The following USP37 variants were observed in gnomAD, a reference collection of about 807,000 sequenced individuals.
USP37 encodes the protein ubiquitin carboxyl-terminal hydrolase 37.
Under a neutral mutation model 124.0 loss-of-function variants are expected in USP37, and 27 were observed. The observed-to-expected ratio is 0.22, with a 90% confidence interval of 0.16 to 0.30. USP37 has a LOEUF of 0.30. Among genes scored for constraint, USP37 ranks in the 10% least tolerant of loss-of-function variants. USP37 has a pLI of 1.00. For missense variants in USP37, 889 were observed against 1,140.4 expected (o/e 0.78, Z 3.17); for synonymous variants, 365 against 388.0 (o/e 0.94, Z 0.70).
intron 24 of USP37, among the ~76,000 whole-genome samples, chr2:218,456,009 G>A (rs575494341): frequency 6.6e-6 from 1 of 152,152 alleles, no homozygotes; most frequent in East Asian, 1.9e-4. Context: ...TAGCACCACT[G>A]CACTCCAGCC....
intron 3 of USP37, among the ~76,000 whole-genome samples, chr2:218,559,779 A>G (rs935098661): frequency 9.2e-5 from 14 of 152,118 alleles, no homozygotes; most frequent in African/African-American, 3.4e-4. Context: ...AGGTGGGCAG[A>G]CTGCTTGAGC....
chr2:218,521,694 T>G (rs1158814504), intron 10 of USP37, among the ~76,000 whole-genome samples: 2 of 152,198 alleles, frequency 1.3e-5, no homozygotes, highest in Non-Finnish European at 2.9e-5. Flanking sequence ...GCCTGCAATA[T>G]TTGTTCATTT....
At chr2:218,527,802 C>T (rs1196655293) in intron 10 of USP37, among the ~76,000 whole-genome samples, 1 of 152,126 alleles carries the variant, frequency 6.6e-6, no homozygotes, top group African/African-American at 2.4e-5. Context: ...GCTTGAGATA[C>T]CACCCAAGGC....
intron 17 of USP37, among the ~76,000 whole-genome samples, chr2:218,481,683 C>CTTTTTTTTTTTTTTTT (rs71403043): frequency 7.4e-6 from 1 of 134,472 alleles, no homozygotes; most frequent in Non-Finnish European, 1.6e-5. Context: ...CTTTTCTTTT[C>CTTTTTTTTTTTTTTTT]TTTTTTTTTT....
chr2:218,477,875 A>C (rs1364637496), intron 18 of USP37, among the ~76,000 whole-genome samples: 1 of 152,210 alleles, frequency 6.6e-6, no homozygotes, highest in Non-Finnish European at 1.5e-5. Context: ...CAGTTATATA[A>C]AAATTCACTT....
chr2:218,495,803 T>C lies in USP37; in HGVS notation c.1429A>G (p.Thr477Ala), dbSNP rs1689050885. 12 of 1,613,530 alleles carry C rather than the reference T, an allele frequency of 7.4e-6. No individual in the cohort carries two copies. The highest frequency in any genetic ancestry group is 1.3e-5 in the African/African-American group (1 of 74,908). The change falls in exon 14 of 26, where the codon ACT (threonine) becomes GCT (alanine). Residue 477 changes from threonine (T) to alanine (A), a missense_variant. Thr to Ala is a moderately conservative substitution (Grantham distance 58, BLOSUM62 0). This residue lies in a region of USP37 where 504 missense variants were observed against 714.3 expected (regional missense o/e 0.71). Transcript: ENST00000258399. ...TGCTGAACCTCAAACTCCAAATTAG[T>C]AATAACAGGGCAAGTGTATGCTCTG... ...ATRAYTCPVITNLEFEVQHSI... is the reference protein window; with the variant it reads ...ATRAYTCPVIANLEFEVQHSI...
intron 25 of USP37, 98 bp from the exon 26 acceptor site, chr2:218,455,115 G>T: frequency 7.2e-7 from 1 of 1,389,806 alleles, no homozygotes; most frequent in Non-Finnish European, 9.9e-7. Context: ...TATGGATAAG[G>T]CCTTCACAAT....
chr2:218,455,999 T>G (rs925772437), intron 24 of USP37, among the ~76,000 whole-genome samples: 7 of 151,984 alleles, frequency 4.6e-5, no homozygotes, highest in Non-Finnish European at 1.0e-4. Context: ...TGAACCGAGA[T>G]AGCACCACTG....
At chr2:218,517,623 T>C (rs1378531076) in intron 10 of USP37, among the ~76,000 whole-genome samples, 1 of 152,216 alleles carries the variant, frequency 6.6e-6, no homozygotes, top group Non-Finnish European at 1.5e-5. Flanking sequence ...GCTGAAATGT[T>C]TTCTCCCGGT....
intron 16 of USP37, among the ~76,000 whole-genome samples, chr2:218,483,966 C>T (rs1414623941): frequency 1.3e-5 from 2 of 152,188 alleles, no homozygotes; most frequent in African/African-American, 4.8e-5. Context: ...TGAGACCAGC[C>T]TGGCCAACAC....
rs918921622 is a variant in USP37 at position 218,451,827 on chromosome 2, A to C, written c.*3103T>G. On this transcript the variant is annotated 3_prime_UTR_variant, in exon 26 of 26. Transcript: ENST00000258399. ...TTTACATTTGTTGTATTTGTTATTG[A>C]GCCTTTAAGGTTAGGCCCAGAATGA... is the stretch of plus-strand genomic sequence containing the variant. The C allele has an allele frequency of 2.0e-5, 3 of 152,650 alleles. No individual in the cohort carries two copies. Among genetic ancestry groups the C allele is most frequent in the Non-Finnish European group, 4.4e-5 (3 of 68,030 alleles). The allele number at this position is 152,650 out of a possible 1,614,324, so 9.5% of individuals were successfully genotyped here.
At chr2:218,563,576 T>C (rs483172) in intron 1 of USP37, among the ~76,000 whole-genome samples, 70,561 of 152,096 alleles carry the variant, frequency 0.46, 19,529 homozygotes, top group East Asian at 0.78. Flanking sequence ...AAATTAGGCT[T>C]CACTAGGCCT....
rs573420333 is a variant in USP37 at position 218,454,922 on chromosome 2, T to C, written c.*8A>G. 5.6e-6 allele frequency: 9 copies of C among 1,613,434 alleles called. No individual in the cohort carries two copies. The South Asian group carries it at 9.9e-5, about 18-fold the overall frequency. On this transcript the variant is annotated 3_prime_UTR_variant, in exon 26 of 26. Coordinates refer to ENST00000258399, the MANE Select transcript of USP37 (RefSeq NM_020935.3). Reference sequence around the variant, plus strand: ...GCAGTGCATGCTGCCAACCCAGGAGTTTGTTCCTCACAAGGCCTGACGGGT... The same window carrying C: ...GCAGTGCATGCTGCCAACCCAGGAGCTTGTTCCTCACAAGGCCTGACGGGT...
intron 18 of USP37, 28 bp from the exon 19 acceptor site, chr2:218,477,009 C>T (rs761952571): frequency 5.4e-6 from 8 of 1,474,184 alleles, no homozygotes; most frequent in Non-Finnish European, 5.4e-6. Context: ...AAAAAAAAGC[C>T]TGATAAACAT....
At chr2:218,535,343 G>T (rs189317837) in intron 8 of USP37, among the ~76,000 whole-genome samples, 1 of 150,876 alleles carries the variant, frequency 6.6e-6, no homozygotes, top group Admixed American at 6.6e-5. Flanking sequence ...TCCAGCTTGG[G>T]CAACAGAGTG....
intron 21 of USP37, among the ~76,000 whole-genome samples, chr2:218,465,783 T>G (rs143850996): frequency 2.6e-4 from 40 of 152,248 alleles, no homozygotes; most frequent in African/African-American, 9.4e-4. Context: ...CTCAAACTCC[T>G]GGCCTCAAGT....
At chr2:218,472,909 A>AT (rs1006808182) in intron 20 of USP37, among the ~76,000 whole-genome samples, 7 of 152,020 alleles carry the variant, frequency 4.6e-5, no homozygotes, top group Admixed American at 1.3e-4. Context: ...TTTTTGTAGA[A>AT]TTTTTTCTAA....
chr2:218,454,801 G>A lies in USP37; in HGVS notation c.*129C>T. On this transcript the variant is annotated 3_prime_UTR_variant, in exon 26 of 26. Transcript: ENST00000258399. ...TACGTTACTCCAATTTTTGTCTTTT[G>A]GTTTGGCCCTGAGCTGTTTGTTGCT... The A allele has an allele frequency of 6.8e-7, 1 of 1,480,926 alleles. No individual in the cohort carries two copies. Among genetic ancestry groups the A allele is most frequent in the East Asian group, 2.3e-5 (1 of 42,880 alleles). The allele number at this position is 1,480,926 out of a possible 1,614,324, so 91.7% of individuals were successfully genotyped here. A position where few individuals can be genotyped will look rare whatever the true frequency, so the allele number is the denominator to read the frequency against.
chr2:218,540,340 A>T (rs1691906740), intron 8 of USP37, among the ~76,000 whole-genome samples: 1 of 152,150 alleles, frequency 6.6e-6, no homozygotes, highest in Admixed American at 6.5e-5. Context: ...TGCACCATTT[A>T]AAACCTATGA....
Sources: gnomAD v4.1 joint callset for allele counts (sites outside exome capture counted in the v4.1 genomes callset) on GRCh38, gnomAD v4.1.1 for gene constraint, gnomAD v4.1.1 regional missense constraint, MANE v1.5 for transcripts, NCBI Gene and HGNC (gene_info 2026-07-23, HGNC 2026-07-21) for gene names.